Variants in UGDH observed in about 807,000 individuals in gnomAD.
The protein encoded by UGDH is UDP-glucose 6-dehydrogenase, also known as UDP-Glc dehydrogenase.
UGDH carries 38 observed loss-of-function variants against 50.6 expected under a neutral mutation model. The ratio of observed to expected loss-of-function variants is 0.75; its 90% CI spans 0.58 to 0.98. UGDH has a LOEUF of 0.98. UGDH is among the 50% of genes least tolerant of loss of function. UGDH has a pLI of 0.00. For synonymous variants in UGDH, 168 were observed against 199.9 expected, an observed-to-expected ratio of 0.84 and a Z score of 1.35; for missense variants, 465 against 606.2, an observed-to-expected ratio of 0.77 and a Z score of 2.45.
chr4:39,521,025 G>T (rs1258793190), intron 2 of UGDH, among the ~76,000 whole-genome samples: 1 of 145,852 alleles, frequency 6.9e-6, no homozygotes, highest in African/African-American at 2.6e-5. Flanking sequence ...AGCTGAGCTC[G>T]CGTCATTGCA....
chr4:39,519,105 C>T (rs539062313), intron 2 of UGDH, among the ~76,000 whole-genome samples: 6 of 151,926 alleles, frequency 3.9e-5, no homozygotes, highest in Middle Eastern at 3.4e-3. Context: ...TTAGTAGAGA[C>T]GAGGTTTTGC....
Position 39,508,556 on chromosome 4 carries a change from A to G in UGDH, c.906+10T>C. ...GCTAAACAGAAATTATTACCTATAG[A>G]GATTAATACCTGCTGCCAATAACGA... On this transcript the variant is annotated intron_variant, in intron 7 of 11. Coordinates refer to ENST00000316423, the MANE Select transcript of UGDH (RefSeq NM_003359.4). 1 of 1,609,994 alleles carries G rather than the reference A, an allele frequency of 6.2e-7. No homozygotes were observed. The highest frequency in any genetic ancestry group is 2.3e-5 in the East Asian group (1 of 44,226).
chr4:39,525,568 G>A (rs1442086967), intron 1 of UGDH, among the ~76,000 whole-genome samples: 1 of 146,034 alleles, frequency 6.8e-6, no homozygotes, highest in Non-Finnish European at 1.5e-5. Context: ...GTGCAGTGGC[G>A]CAATCTCGGC....
intron 3 of UGDH, among the ~76,000 whole-genome samples, chr4:39,511,864 C>T (rs1344393701): frequency 6.6e-6 from 1 of 151,680 alleles, no homozygotes; most frequent in Admixed American, 6.6e-5. Flanking sequence ...TGCGCCACCA[C>T]ACCCGCCTAA....
At chr4:39,519,552 A>ATT (rs796160870) in intron 2 of UGDH, among the ~76,000 whole-genome samples, 27 of 151,622 alleles carry the variant, frequency 1.8e-4, no homozygotes, top group Non-Finnish European at 2.2e-4. Flanking sequence ...ATATATATAT[A>ATT]TTTTGAGACG....
chr4:39,508,174 G>A (rs912895845), intron 7 of UGDH, among the ~76,000 whole-genome samples: 11 of 151,952 alleles, frequency 7.2e-5, no homozygotes, highest in Admixed American at 6.6e-4. Context: ...ACATTTCATG[G>A]ACAAAAAGTG....
At position 39,504,447 on chromosome 4, in the gene UGDH, A is replaced by C. The variant is rs1745950447; in HGVS notation, c.1233T>G (p.Val411=). The C allele has an allele frequency of 6.2e-7, 1 of 1,614,052 alleles. No homozygotes were observed. The highest frequency in any genetic ancestry group is 1.3e-5 in the African/African-American group (1 of 74,918). The change falls in exon 10 of 12, where the codon GTT becomes GTG. Residue 411 remains valine, a synonymous_variant. Transcript: ENST00000316423. ...PYEACDGAHA[V]VICTEWDMFK... is the part of the protein sequence containing the mutation. ...ACATGTCCCACTCAGTGCAAATAAC[A>C]ACAGCATGGGCACCATCACATGCTT... is the stretch of plus-strand genomic sequence containing the variant.
At chr4:39,510,608 C>T in intron 4 of UGDH, 53 bp downstream of exon 4, 3 of 1,613,918 alleles carry the variant, frequency 1.9e-6, no homozygotes, top group Non-Finnish European at 1.7e-6. Context: ...GCAACTTTAA[C>T]ACATCAGTAT....
At chr4:39,505,151 G>T in intron 9 of UGDH, 86 bp downstream of exon 9, 2 of 1,369,290 alleles carry the variant, frequency 1.5e-6, no homozygotes, top group Non-Finnish European at 9.8e-7. Context: ...TGATATACAT[G>T]ATAAAACTGA....
At chr4:39,512,124 A>G (rs1402202962) in intron 3 of UGDH, among the ~76,000 whole-genome samples, 1 of 152,174 alleles carries the variant, frequency 6.6e-6, no homozygotes, top group Non-Finnish European at 1.5e-5. Flanking sequence ...CAGTGACCTC[A>G]TTGGAAAATG....
chr4:39,523,046 C>T (rs1237063412), intron 1 of UGDH, among the ~76,000 whole-genome samples: 7 of 152,050 alleles, frequency 4.6e-5, no homozygotes, highest in Non-Finnish European at 8.8e-5. Context: ...CAGGCATGAG[C>T]CACCACGGTA....
At chr4:39,505,052 C>A (rs1162064594) in intron 9 of UGDH, among the ~76,000 whole-genome samples, 185 bp downstream of exon 9, 3 of 152,106 alleles carry the variant, frequency 2.0e-5, no homozygotes, top group Non-Finnish European at 4.4e-5. Context: ...ATGGACCAAT[C>A]CACAGCTGAT....
intron 2 of UGDH, among the ~76,000 whole-genome samples, chr4:39,520,369 T>C (rs1296226779): frequency 6.6e-6 from 1 of 152,070 alleles, no homozygotes; most frequent in Admixed American, 6.6e-5. Context: ...ACCAAGCTTT[T>C]CTTGGGGAAA....
At chr4:39,510,253 C>T in intron 5 of UGDH, 100 bp downstream of exon 5, 2 of 1,215,182 alleles carry the variant, frequency 1.6e-6, no homozygotes, top group Non-Finnish European at 1.2e-6. Flanking sequence ...AAAGCATAAC[C>T]TCTTACTACT....
At chr4:39,509,458 AGTT>A (rs1444074542) in intron 6 of UGDH, among the ~76,000 whole-genome samples, 4 of 152,184 alleles carry the variant, frequency 2.6e-5, no homozygotes, top group Non-Finnish European at 5.9e-5. Flanking sequence ...TACAAAAACA[AGTT>A]GTGGGCTGGA....
Position 39,510,537 on chromosome 4 carries a change from G to T in UGDH, c.479C>A (p.Pro160His). The T allele has an allele frequency of 6.2e-7, 1 of 1,614,128 alleles. No individual in the cohort carries two copies. Among genetic ancestry groups the T allele is most frequent in the Non-Finnish European group, 8.5e-7 (1 of 1,180,000 alleles). ...GGCTGTTCCCTCTGCCAGAAACTCA[G>T]GGTTGGACAGCACCTAGAATCCCAA... The part of the protein sequence containing the change: ...PNLNLQVLSN[P>H]EFLAEGTAIK... Residue 160 changes from proline (P) to histidine (H), a missense_variant, in exon 5 of 12, where the codon CCT becomes CAT. Pro to His is a moderately conservative substitution (Grantham distance 77). Transcript: ENST00000316423.
intron 2 of UGDH, among the ~76,000 whole-genome samples, chr4:39,520,062 G>C (rs1027530924): frequency 1.3e-5 from 2 of 152,112 alleles, no homozygotes; most frequent in Non-Finnish European, 2.9e-5. Flanking sequence ...GCTTCAGCCG[G>C]GCATGGTGGC....
Position 39,505,227 on chromosome 4 carries a change from A to C in UGDH, c.1171+10T>G. 6.3e-7 allele frequency: 1 copy of C among 1,584,896 alleles called. No homozygotes were observed. Among genetic ancestry groups the C allele is most frequent in the Non-Finnish European group, 8.5e-7 (1 of 1,171,298 alleles). The stretch of plus-strand genomic sequence containing the variant: ...GGACTCAAAATGATTCATGAGACTC[A>C]AAGCCTTACCTTGGTCATCCTCTGA... On this transcript the variant is annotated intron_variant, in intron 9 of 11. Coordinates refer to ENST00000316423, the MANE Select transcript of UGDH (RefSeq NM_003359.4).
chr4:39,511,375 C>T (rs1746239663), intron 3 of UGDH, among the ~76,000 whole-genome samples: 1 of 151,910 alleles, frequency 6.6e-6, no homozygotes. Context: ...ATTCTCCTGC[C>T]TCAGCCTCCC....
Sources: allele counts gnomAD v4.1 joint callset (sites outside exome capture counted in the v4.1 genomes callset), GRCh38; gene constraint gnomAD v4.1.1; transcripts MANE v1.5; gene names NCBI Gene and HGNC (gene_info 2026-07-23, HGNC 2026-07-21).